TGFBR3: variants seen among roughly 807,000 people sequenced by gnomAD.
TGFBR3 encodes transforming growth factor beta receptor type 3.
Under a neutral mutation model 87.9 loss-of-function variants are expected in TGFBR3, and 46 were observed. The observed-to-expected ratio is 0.52, with a 90% CI of 0.41 to 0.67. TGFBR3 has a LOEUF of 0.67. TGFBR3 is among the 30% of genes least tolerant of loss of function. The probability of loss-of-function intolerance (pLI) is 0.00; values close to 1 mark genes in which losing one functional copy is unlikely to be tolerated. For missense variants in TGFBR3, 866 were observed against 1,041.9 expected, an observed-to-expected ratio of 0.83 and a Z score of 2.32; for synonymous variants, 381 against 391.6, an observed-to-expected ratio of 0.97 and a Z score of 0.32.
At chr1:91,834,651 GAACA>G (rs1449541116) in intron 2 of TGFBR3, among the ~76,000 whole-genome samples, 1 of 152,198 alleles carries the variant, frequency 6.6e-6, no homozygotes, top group Non-Finnish European at 1.5e-5. Flanking sequence ...AATAGACAAT[GAACA>G]AATACGTGAG....
At chr1:91,725,665 G>A (rs573952016) in intron 7 of TGFBR3, among the ~76,000 whole-genome samples, 1 of 152,232 alleles carries the variant, frequency 6.6e-6, no homozygotes, top group South Asian at 2.1e-4. Flanking sequence ...ACAAACTCAA[G>A]GTGAGTACTA....
At chr1:91,776,650 A>C (rs1674576520) in intron 3 of TGFBR3, among the ~76,000 whole-genome samples, 1 of 152,192 alleles carries the variant, frequency 6.6e-6, no homozygotes, top group African/African-American at 2.4e-5. Context: ...GGCTCTGATC[A>C]GTGTAGTGCC....
chr1:91,850,329 C>T (rs912607744), intron 2 of TGFBR3, among the ~76,000 whole-genome samples: 14 of 152,076 alleles, frequency 9.2e-5, no homozygotes, highest in East Asian at 3.8e-4. Context: ...AAGATAAGGG[C>T]GGGCAGGAGC....
chr1:91,861,430 A>C, intron 2 of TGFBR3, 41 bp downstream of exon 2: 1 of 1,486,204 alleles, frequency 6.7e-7, no homozygotes, highest in Non-Finnish European at 9.4e-7. Context: ...AATATATCCA[A>C]AAATATATAA....
intron 2 of TGFBR3, among the ~76,000 whole-genome samples, chr1:91,858,021 C>T (rs1206514840): frequency 6.6e-6 from 1 of 152,200 alleles, no homozygotes; most frequent in Non-Finnish European, 1.5e-5. Flanking sequence ...TATAGTTCCA[C>T]CTGCCATTTA....
chr1:91,838,976 A>ATGTT (rs1001237072), intron 2 of TGFBR3, among the ~76,000 whole-genome samples: 1 of 151,808 alleles, frequency 6.6e-6, no homozygotes, highest in African/African-American at 2.4e-5. Flanking sequence ...AAGTTTTTTT[A>ATGTT]TGTTTGTTTG....
At position 91,683,721 on chromosome 1, in the gene TGFBR3, G is replaced by A. The variant is rs542197544; in HGVS notation, c.*18C>T. The A allele has an allele frequency of 4.9e-5, 75 of 1,540,410 alleles. No individual in the cohort carries two copies. The highest frequency in any genetic ancestry group is 5.7e-5 in the Non-Finnish European group (65 of 1,148,082). Reference sequence around the variant, plus strand: ...GAGCTGGGCTGGGCTGGGTTGGGCCGGGTTGGGCTGGGTTGGGCTAGGCCG... The same window carrying A: ...GAGCTGGGCTGGGCTGGGTTGGGCCAGGTTGGGCTGGGTTGGGCTAGGCCG... On this transcript the variant is annotated 3_prime_UTR_variant, in exon 17 of 17. Coordinates refer to ENST00000212355, the MANE Select transcript of TGFBR3 (RefSeq NM_003243.5).
intron 2 of TGFBR3, among the ~76,000 whole-genome samples, chr1:91,894,196 G>C (rs150056708): frequency 2.4e-4 from 36 of 152,064 alleles, no homozygotes; most frequent in Admixed American, 5.9e-4. Context: ...GCTTTCTCTC[G>C]TTACCCTGGA....
chr1:91,766,828 A>C lies in TGFBR3; in HGVS notation c.247-8078T>G, dbSNP rs1464942040. On this transcript the variant is annotated intron_variant, in intron 3 of 16. Transcript: ENST00000212355. ...AGCAGATCCTGAATTCCAACGGGACAGCTGACACCAACCAGTTTAAAGACT... is the reference window on the plus strand; with the variant it reads ...AGCAGATCCTGAATTCCAACGGGACCGCTGACACCAACCAGTTTAAAGACT... 1.1e-4 allele frequency among the ~76,000 whole-genome samples: 14 copies of C among 133,278 alleles called. 3 individuals are homozygous for C. The highest frequency in any genetic ancestry group is 3.0e-4 in the Admixed American group (4 of 13,132). 87.4% of individuals were successfully genotyped at this position (133,278 alleles called of 152,430 possible).
chr1:91,727,995 T>C, intron 6 of TGFBR3, 189 bp from the exon 7 acceptor site: 1 of 640,460 alleles, frequency 1.6e-6, no homozygotes, highest in Non-Finnish European at 2.7e-6. Context: ...TACATAACAA[T>C]AGAAACATAT....
chr1:91,858,747 C>T (rs1443109653), intron 2 of TGFBR3, among the ~76,000 whole-genome samples: 1 of 151,798 alleles, frequency 6.6e-6, no homozygotes, highest in Non-Finnish European at 1.5e-5. Flanking sequence ...TATCAGTTGC[C>T]TCATGCTATT....
chr1:91,706,926 T>C (rs987063212), intron 14 of TGFBR3, among the ~76,000 whole-genome samples: 8 of 152,252 alleles, frequency 5.3e-5, no homozygotes, highest in Non-Finnish European at 1.0e-4. Flanking sequence ...TCCATTTATA[T>C]AAAGACTGGG....
chr1:91,872,145 A>T (rs1373492182), intron 1 of TGFBR3, among the ~76,000 whole-genome samples: 3 of 152,140 alleles, frequency 2.0e-5, no homozygotes, highest in Non-Finnish European at 4.4e-5. Context: ...TGGGCTTCCT[A>T]TCCCTGTAGG....
intron 2 of TGFBR3, among the ~76,000 whole-genome samples, chr1:91,895,083 T>C (rs1334189987): frequency 2.0e-5 from 3 of 152,164 alleles, no homozygotes; most frequent in Non-Finnish European, 4.4e-5. Flanking sequence ...ACACTCTCTC[T>C]GAAGGTGTTA....
chr1:91,761,539 G>A (rs187308999), intron 3 of TGFBR3, among the ~76,000 whole-genome samples: 36 of 152,292 alleles, frequency 2.4e-4, no homozygotes, highest in Non-Finnish European at 3.2e-4. Context: ...TCATTTGGCA[G>A]GGACAATGAG....
intron 1 of TGFBR3, among the ~76,000 whole-genome samples, chr1:91,876,394 G>A (rs756070424): frequency 8.5e-5 from 13 of 152,090 alleles, no homozygotes; most frequent in African/African-American, 2.4e-4. Context: ...TAGGCATCCC[G>A]AAAGGCTAGT....
chr1:91,871,416 G>A (rs1441483268), intron 1 of TGFBR3, among the ~76,000 whole-genome samples: 1 of 152,178 alleles, frequency 6.6e-6, no homozygotes, highest in Non-Finnish European at 1.5e-5. Context: ...ACTGTTCAGG[G>A]AGGTGGGCAC....
At chr1:91,870,829 T>G (rs952707853) in intron 1 of TGFBR3, among the ~76,000 whole-genome samples, 5 of 151,972 alleles carry the variant, frequency 3.3e-5, no homozygotes, top group Non-Finnish European at 7.4e-5. Context: ...AAAATAAAAA[T>G]AATTTGAATA....
chr1:91,787,705 T>C (rs1675020366), intron 3 of TGFBR3, among the ~76,000 whole-genome samples: 1 of 152,200 alleles, frequency 6.6e-6, no homozygotes, highest in Non-Finnish European at 1.5e-5. Flanking sequence ...TTAGGCACAC[T>C]GGCTCACGCC....
Sources: gnomAD v4.1 joint callset for allele counts (sites outside exome capture counted in the v4.1 genomes callset) on GRCh38, gnomAD v4.1.1 for gene constraint, MANE v1.5 for transcripts, NCBI Gene and HGNC (gene_info 2026-07-23, HGNC 2026-07-21) for gene names.